TMEM131L: variants seen among roughly 807,000 people sequenced by gnomAD.
TMEM131L encodes transmembrane protein 131-like.
TMEM131L carries 54 observed loss-of-function variants against 192.2 expected under a neutral mutation model. That is an observed-to-expected ratio of 0.28 (90% CI 0.23 to 0.35). The LOEUF is 0.35. Ranked by LOEUF, TMEM131L falls within the 10% of genes least tolerant of loss-of-function variation. The probability of loss-of-function intolerance (pLI) is 1.00; values close to 1 mark genes in which losing one functional copy is unlikely to be tolerated. For missense variants in TMEM131L, 1,888 were observed against 1,972.9 expected, an observed-to-expected ratio of 0.96 and a Z score of 0.82; for synonymous variants, 701 against 704.9, an observed-to-expected ratio of 0.99 and a Z score of 0.09.
intron 7 of TMEM131L, among the ~76,000 whole-genome samples, chr4:153,569,620 C>T (rs970433424): frequency 6.6e-6 from 1 of 152,152 alleles, no homozygotes; most frequent in Non-Finnish European, 1.5e-5. Flanking sequence ...AGGGTGAATT[C>T]CAAACCAGAC....
At chr4:153,601,978 T>C in intron 21 of TMEM131L, 174 bp from the exon 22 acceptor site, 1 of 479,440 alleles carries the variant, frequency 2.1e-6, no homozygotes, top group Non-Finnish European at 3.6e-6. Context: ...ACAGAATCTA[T>C]AATTGTTCTA....
At position 153,496,076 on chromosome 4, in the gene TMEM131L, C is replaced by T. The variant is rs560591685; in HGVS notation, c.239+22188C>T. Among the ~76,000 whole-genome samples, 9 of 152,200 alleles carry T rather than the reference C, an allele frequency of 5.9e-5. No homozygotes were observed. In the East Asian group the frequency reaches 1.5e-3, roughly 26 times the overall value. On this transcript the variant is annotated intron_variant, in intron 3 of 34. Coordinates refer to ENST00000409959, the MANE Select transcript of TMEM131L (RefSeq NM_001131007.2). ...CCAAGCTAGCCCCTCTCGAGGGCGG[C>T]GAGACCTGAAATCAGAAAGGCAGTT...
At chr4:153,528,665 C>T (rs1190118787) in intron 3 of TMEM131L, among the ~76,000 whole-genome samples, 12 of 152,122 alleles carry the variant, frequency 7.9e-5, no homozygotes, top group African/African-American at 1.2e-4. Flanking sequence ...TAGGCTGTCT[C>T]GTAATGTGTT....
intron 26 of TMEM131L, among the ~76,000 whole-genome samples, chr4:153,619,822 AGT>A (rs1733260107): frequency 6.6e-6 from 1 of 152,188 alleles, no homozygotes; most frequent in Admixed American, 6.5e-5. Flanking sequence ...CTTTCCATGA[AGT>A]GTGAATCCTT....
At chr4:153,580,366 G>A (rs1324597191) in intron 7 of TMEM131L, among the ~76,000 whole-genome samples, 1 of 150,086 alleles carries the variant, frequency 6.7e-6, no homozygotes, top group African/African-American at 2.4e-5. Context: ...TTGTTTTTTT[G>A]GTCTAACTTG....
chr4:153,551,257 G>A (rs912198443), intron 4 of TMEM131L, among the ~76,000 whole-genome samples: 2 of 152,184 alleles, frequency 1.3e-5, no homozygotes, highest in Non-Finnish European at 2.9e-5. Context: ...GGCTGGGTTA[G>A]GGTGGGCTCC....
chr4:153,558,959 T>G (rs1284007514), intron 7 of TMEM131L, among the ~76,000 whole-genome samples: 1 of 152,268 alleles, frequency 6.6e-6, no homozygotes, highest in Non-Finnish European at 1.5e-5. Flanking sequence ...TCCCTTTGAT[T>G]ATCCATATTT....
chr4:153,613,260 G>A (rs1328478729), intron 26 of TMEM131L, among the ~76,000 whole-genome samples: 1 of 152,134 alleles, frequency 6.6e-6, no homozygotes, highest in Non-Finnish European at 1.5e-5. Context: ...CTCTTGTTGA[G>A]GTTTCAATCC....
At chr4:153,607,066 T>G (rs1207814020) in intron 25 of TMEM131L, among the ~76,000 whole-genome samples, 1 of 152,242 alleles carries the variant, frequency 6.6e-6, no homozygotes, top group Admixed American at 6.5e-5. Context: ...TCAAGAATTT[T>G]AAATATTAAA....
At chr4:153,594,069 A>G (rs905390709) in intron 19 of TMEM131L, among the ~76,000 whole-genome samples, 198 bp downstream of exon 19, 1 of 152,212 alleles carries the variant, frequency 6.6e-6, no homozygotes, top group Non-Finnish European at 1.5e-5. Context: ...TGTTAGCTCT[A>G]AATCATTTTA....
At chr4:153,570,816 T>C (rs942877607) in intron 7 of TMEM131L, among the ~76,000 whole-genome samples, 1 of 152,152 alleles carries the variant, frequency 6.6e-6, no homozygotes, top group Non-Finnish European at 1.5e-5. Flanking sequence ...TGTCCACTTA[T>C]TTCAACTGGA....
At chr4:153,493,345 CAAAA>C (rs35052272) in intron 3 of TMEM131L, among the ~76,000 whole-genome samples, 157 of 72,850 alleles carry the variant, frequency 2.2e-3, no homozygotes, top group African/African-American at 6.3e-3. Context: ...GACTCTGTCT[CAAAA>C]AAAAAAAAAA....
rs1731347827 is a variant in TMEM131L, at chr4:153,473,989, A to G, written c.239+101A>G. 4.3e-6 allele frequency: 3 copies of G among 702,812 alleles called. No individual in the cohort carries two copies. In the South Asian group the frequency reaches 5.9e-5, roughly 14 times the overall value. 43.5% of individuals were successfully genotyped at this position (702,812 alleles called of 1,614,324 possible). On this transcript the variant is annotated intron_variant, in intron 3 of 34. Transcript: ENST00000409959. ...ATATGTCCATGTTTATGTATTTAGT[A>G]GTATCTGTAATACACCTTTCTCTTT...
At chr4:153,619,354 G>T (rs1158124941) in intron 26 of TMEM131L, among the ~76,000 whole-genome samples, 1 of 152,216 alleles carries the variant, frequency 6.6e-6, no homozygotes, top group Non-Finnish European at 1.5e-5. Flanking sequence ...GAAATGTGGT[G>T]CATGTCTGTT....
intron 7 of TMEM131L, among the ~76,000 whole-genome samples, chr4:153,574,712 C>T (rs907263296): frequency 5.9e-5 from 9 of 152,138 alleles, no homozygotes; most frequent in African/African-American, 4.8e-5. Context: ...TTCAGCCTCC[C>T]GAGAAGCTGA....
chr4:153,545,977 G>A (rs868749211), intron 3 of TMEM131L, among the ~76,000 whole-genome samples: 1 of 152,004 alleles, frequency 6.6e-6, no homozygotes, highest in Admixed American at 6.6e-5. Flanking sequence ...TTGAACTCCT[G>A]GGCTCAAGGG....
At chr4:153,613,910 G>A (rs1420132782) in intron 26 of TMEM131L, among the ~76,000 whole-genome samples, 1 of 152,154 alleles carries the variant, frequency 6.6e-6, no homozygotes, top group Non-Finnish European at 1.5e-5. Context: ...TACAAAATAA[G>A]TATGTTGCAA....
intron 17 of TMEM131L, 44 bp from the exon 18 acceptor site, chr4:153,592,431 C>T (rs1561222427): frequency 1.5e-6 from 2 of 1,299,502 alleles, no homozygotes; most frequent in Non-Finnish European, 2.2e-6. Flanking sequence ...AGGAGGGATG[C>T]TGTGTCCCTC....
chr4:153,610,714 C>A (rs572220256), intron 25 of TMEM131L, among the ~76,000 whole-genome samples: 14 of 152,148 alleles, frequency 9.2e-5, no homozygotes, highest in African/African-American at 3.4e-4. Context: ...CTCAGAATTT[C>A]AGAATCAGAG....
Sources: allele counts gnomAD v4.1 joint callset (sites outside exome capture counted in the v4.1 genomes callset), GRCh38; gene constraint gnomAD v4.1.1; transcripts MANE v1.5; gene names NCBI Gene and HGNC (gene_info 2026-07-23, HGNC 2026-07-21).